The following FGFR1 variants were observed in gnomAD, a reference collection of about 807,000 sequenced individuals.
FGFR1 encodes fibroblast growth factor receptor 1, also known as FGFR1/PLAG1 fusion.
FGFR1 carries 18 observed loss-of-function variants against 93.7 expected under a neutral mutation model. That is an observed-to-expected ratio of 0.19 (90% CI 0.13 to 0.28). The LOEUF is 0.28. Ranked by LOEUF, FGFR1 falls within the 10% of genes least tolerant of loss-of-function variation. FGFR1 has a pLI of 1.00. For synonymous variants in FGFR1, 448 were observed against 429.3 expected, an observed-to-expected ratio of 1.04 and a Z score of -0.54; for missense variants, 731 against 1,080.4, an observed-to-expected ratio of 0.68 and a Z score of 4.53.
At chr8:38,466,902 C>G (rs1048106365) in intron 1 of FGFR1, among the ~76,000 whole-genome samples, 12 of 140,046 alleles carry the variant, frequency 8.6e-5, no homozygotes, top group African/African-American at 3.0e-4. Context: ...CCCACCCCCC[C>G]CCCACCACCA....
intron 1 of FGFR1, among the ~76,000 whole-genome samples, chr8:38,459,218 CAGGG>C (rs754026338): frequency 6.6e-6 from 1 of 152,154 alleles, no homozygotes; most frequent in Non-Finnish European, 1.5e-5. Context: ...CTAAATGCTC[CAGGG>C]AGCCATCCAA....
rs765567638 is a variant in FGFR1, at chr8:38,424,314, C to T, written c.936+195G>A. 5.2e-5 allele frequency: 38 copies of T among 733,186 alleles called. No homozygotes were observed. The highest frequency in any genetic ancestry group is 8.5e-5 in the Non-Finnish European group (34 of 401,102). 45.4% of individuals were successfully genotyped at this position (733,186 alleles called of 1,614,324 possible). On this transcript the variant is annotated intron_variant, in intron 7 of 17. Transcript: ENST00000447712. This position sits in a 1 kb window ranked among gnomAD's most constrained non-coding sequence, Gnocchi z 4.3. ...TCCCTGCAGCCCTCTGTTCCCAGCT[C>T]ACCTCCACTTTGTGACCTCTGTTAC...
At chr8:38,465,691 G>A (rs959066476) in intron 1 of FGFR1, 1 of 223,446 alleles carries the variant, frequency 4.5e-6, no homozygotes. Flanking sequence ...CGGGCGTGGG[G>A]GTGATTACCC....
At chr8:38,428,706 C>T (rs1241249143) in intron 3 of FGFR1, 6 of 501,210 alleles carry the variant, frequency 1.2e-5, no homozygotes, top group East Asian at 7.2e-5. Context: ...AACTTAATTC[C>T]GTCCTACATT....
chr8:38,453,326 C>G (rs1391760428), intron 2 of FGFR1, among the ~76,000 whole-genome samples: 1 of 152,222 alleles, frequency 6.6e-6, no homozygotes, highest in Non-Finnish European at 1.5e-5. Context: ...GAAAGGGACC[C>G]ACAACGGCCA....
rs146463691 is a variant in FGFR1, at chr8:38,411,440, A to G, written c.*2188T>C. 2.8e-3 allele frequency: 631 copies of G among 224,840 alleles called. 5 individuals are homozygous for G. The highest frequency in any genetic ancestry group is 0.013 in the African/African-American group (604 of 44,990). The allele number at this position is 224,840 out of a possible 1,614,324, so 13.9% of individuals were successfully genotyped here. On this transcript the variant is annotated 3_prime_UTR_variant, in exon 18 of 18. Coordinates refer to ENST00000447712, the MANE Select transcript of FGFR1 (RefSeq NM_023110.3). Reference sequence around the variant, plus strand: ...TTCATTTCCTAGTTCTGTTCACCAAATGATGCCTTCTTTAAACATAAATAC... The same window carrying G: ...TTCATTTCCTAGTTCTGTTCACCAAGTGATGCCTTCTTTAAACATAAATAC...
chr8:38,424,824 G>A lies in FGFR1; in HGVS notation c.746-125C>T. 1 of 958,252 alleles carries A rather than the reference G, an allele frequency of 1.0e-6. No homozygotes were observed. 59.4% of individuals were successfully genotyped at this position (958,252 alleles called of 1,614,324 possible). Reference sequence around the variant, plus strand: ...TTGTAAACCTCCCAGCACTTCTGCTGAGCCCAAGCCTCTCAAAACAGAGCT... The same window carrying A: ...TTGTAAACCTCCCAGCACTTCTGCTAAGCCCAAGCCTCTCAAAACAGAGCT... On this transcript the variant is annotated intron_variant, in intron 6 of 17. Transcript: ENST00000447712. This position sits in a 1 kb window ranked among gnomAD's most constrained non-coding sequence, Gnocchi z 4.3.
At chr8:38,440,070 G>A (rs759376331) in intron 2 of FGFR1, among the ~76,000 whole-genome samples, 8 of 152,000 alleles carry the variant, frequency 5.3e-5, no homozygotes, top group Non-Finnish European at 1.0e-4. Flanking sequence ...AAAATTAGGA[G>A]AGAAAGGCTA....
Position 38,421,892 on chromosome 8 carries a change from C to T in FGFR1, c.986G>A (p.Arg329Lys), listed in dbSNP as rs2150757053. ...CCCTGCGTCCTCAAAGGAGACATTT[C>T]TTAAGTGAAGCACCTCCATCTCTTT... The part of the protein sequence containing the change: ...TDKEMEVLHL[R>K]NVSFEDAGEY... Residue 329 changes from arginine to lysine, a missense_variant, in exon 8 of 18, where the codon AGA becomes AAA. By Grantham distance (26) the Arg-to-Lys change is conservative. Transcript: ENST00000447712. 1 of 1,614,154 alleles carries T rather than the reference C, an allele frequency of 6.2e-7. No individual in the cohort carries two copies. The highest frequency in any genetic ancestry group is 8.5e-7 in the Non-Finnish European group (1 of 1,180,026).
intron 2 of FGFR1, chr8:38,430,240 C>T (rs1401557468): frequency 2.3e-6 from 1 of 434,044 alleles, no homozygotes; most frequent in Non-Finnish European, 4.2e-6. Context: ...AAGCGCATTT[C>T]ATTTCCCCCA....
intron 2 of FGFR1, among the ~76,000 whole-genome samples, chr8:38,436,127 C>A (rs1186986841): frequency 6.6e-6 from 1 of 152,154 alleles, no homozygotes; most frequent in African/African-American, 2.4e-5. Context: ...GTAATCCCAG[C>A]CCTTTGGGAG....
intron 2 of FGFR1, among the ~76,000 whole-genome samples, chr8:38,447,116 C>T (rs762625629): frequency 0.084 from 12,107 of 143,318 alleles, 698 homozygotes; most frequent in Middle Eastern, 0.13. Context: ...CACACACACA[C>T]ACACACACAC....
chr8:38,428,465 C>T (rs1563507741), intron 3 of FGFR1, 30 bp from the exon 4 acceptor site: 1 of 1,569,514 alleles, frequency 6.4e-7, no homozygotes, highest in African/African-American at 1.4e-5. Flanking sequence ...CACTGAGGTT[C>T]CTCCTAGGGA....
rs577428257 is a variant in FGFR1 at position 38,417,313 on chromosome 8, C to T, written c.1656G>A (p.Thr552=). 32 of 1,612,026 alleles carry T rather than the reference C, an allele frequency of 2.0e-5. No individual in the cohort carries two copies. In the East Asian group the frequency reaches 4.5e-4, roughly 22 times the overall value. The change falls in exon 12 of 18, where the codon ACG becomes ACA. Residue 552 remains threonine (T), a synonymous_variant. Transcript: ENST00000447712. ...AGTCTGGCCGGCACCCACCATCCTGCGTGCAGGCCCCCAGCAGGTTGATGA... is the reference window on the plus strand; with the variant it reads ...AGTCTGGCCGGCACCCACCATCCTGTGTGCAGGCCCCCAGCAGGTTGATGA... The part of the protein sequence containing the change: ...KNIINLLGAC[T]QDGPLYVIVE...
chr8:38,460,197 A>G (rs1019447002), intron 1 of FGFR1, among the ~76,000 whole-genome samples: 1 of 152,124 alleles, frequency 6.6e-6, no homozygotes, highest in African/African-American at 2.4e-5. Context: ...CTAACTAACT[A>G]AAAGAAAGAC....
intron 2 of FGFR1, among the ~76,000 whole-genome samples, chr8:38,453,902 C>CAAA (rs1160031033): frequency 5.9e-5 from 9 of 152,020 alleles, no homozygotes; most frequent in African/African-American, 2.2e-4. Context: ...TTAAAACCAA[C>CAAA]CAACCAACAA....
At chr8:38,422,944 G>C in intron 7 of FGFR1, 1 of 742,592 alleles carries the variant, frequency 1.3e-6, no homozygotes, top group Non-Finnish European at 2.5e-6. Context: ...GGACAGTCCA[G>C]TACTGGCTTC....
In FGFR1 at chr8:38,421,921, G is replaced by A. The variant is rs767160151; in HGVS notation, c.957C>T (p.Thr319=). 9.3e-6 allele frequency: 15 copies of A among 1,614,008 alleles called. No homozygotes were observed. Among genetic ancestry groups the A allele is most frequent in the Admixed American group, 1.7e-5 (1 of 60,006 alleles). ...AGTGAAGCACCTCCATCTCTTTGTC[G>A]GTGGTATTAACTCCAGCAGTCTAGA... ...QILKTAGVNT[T]DKEMEVLHLR... Residue 319 remains threonine (T), a synonymous_variant, in exon 8 of 18, where the codon ACC becomes ACT. Transcript: ENST00000447712.
intron 1 of FGFR1, among the ~76,000 whole-genome samples, chr8:38,457,969 C>T (rs751719468): frequency 1.3e-4 from 20 of 151,964 alleles, no homozygotes; most frequent in Non-Finnish European, 1.9e-4. Flanking sequence ...GGTGACAGAG[C>T]GAGATTCTGT....
Sources: allele counts gnomAD v4.1 joint callset (sites outside exome capture counted in the v4.1 genomes callset), GRCh38; gene constraint gnomAD v4.1.1; non-coding constraint Gnocchi (gnomAD v3.1); transcripts MANE v1.5; gene names NCBI Gene and HGNC (gene_info 2026-07-23, HGNC 2026-07-21).